MTSS1: variants seen among roughly 807,000 people sequenced by gnomAD.
MTSS1 encodes protein MTSS 1.
MTSS1 carries 18 observed loss-of-function variants against 79.0 expected under a neutral mutation model. The ratio of observed to expected loss-of-function variants is 0.23; its 90% CI spans 0.16 to 0.34. MTSS1 has a LOEUF of 0.34. MTSS1 is among the 10% of genes least tolerant of loss of function. The probability of loss-of-function intolerance (pLI) is 1.00; values close to 1 mark genes in which losing one functional copy is unlikely to be tolerated. For synonymous variants in MTSS1, 341 were observed against 368.6 expected, an observed-to-expected ratio of 0.93 and a Z score of 0.86; for missense variants, 815 against 986.2, an observed-to-expected ratio of 0.83 and a Z score of 2.33.
intron 3 of MTSS1, among the ~76,000 whole-genome samples, chr8:124,677,901 C>G (rs1213786149): frequency 6.6e-6 from 1 of 152,174 alleles, no homozygotes; most frequent in African/African-American, 2.4e-5. Flanking sequence ...TCATTCCTTT[C>G]TCTTTGATAA....
intron 3 of MTSS1, among the ~76,000 whole-genome samples, chr8:124,606,284 G>T (rs1218964039): frequency 6.6e-6 from 1 of 150,710 alleles, no homozygotes; most frequent in South Asian, 2.1e-4. Flanking sequence ...GCGATTCTGG[G>T]ATTACAGGCA....
intron 3 of MTSS1, among the ~76,000 whole-genome samples, chr8:124,615,757 T>C (rs1041857564): frequency 5.9e-5 from 9 of 152,256 alleles, no homozygotes; most frequent in Non-Finnish European, 4.4e-5. Flanking sequence ...GATCTCATTA[T>C]AGCTTTGGTT....
intron 3 of MTSS1, among the ~76,000 whole-genome samples, chr8:124,620,193 G>A (rs889257961): frequency 2.0e-5 from 3 of 152,174 alleles, no homozygotes; most frequent in Non-Finnish European, 2.9e-5. Flanking sequence ...TGACCCGCCC[G>A]CCTCAGCCTC....
chr8:124,643,620 C>G (rs534325164), intron 3 of MTSS1, among the ~76,000 whole-genome samples: 15 of 143,400 alleles, frequency 1.0e-4, no homozygotes, highest in African/African-American at 3.7e-4. Context: ...ATCGCTTGAA[C>G]TGGGGAGGCA....
At chr8:124,645,867 CTT>C (rs1818914064) in intron 3 of MTSS1, among the ~76,000 whole-genome samples, 1 of 152,170 alleles carries the variant, frequency 6.6e-6, no homozygotes, top group East Asian at 1.9e-4. Context: ...CAGCAACAAT[CTT>C]TGCTCTTTCA....
intron 8 of MTSS1, among the ~76,000 whole-genome samples, chr8:124,566,594 A>C (rs1826542653): frequency 6.6e-6 from 1 of 152,246 alleles, no homozygotes; most frequent in Non-Finnish European, 1.5e-5. Flanking sequence ...AGAGCTCTCC[A>C]TGCATTGCTC....
chr8:124,589,566 T>C, intron 5 of MTSS1, 54 bp downstream of exon 5: 1 of 1,459,868 alleles, frequency 6.8e-7, no homozygotes, highest in Non-Finnish European at 9.4e-7. Flanking sequence ...AGCTGGCAAC[T>C]TCCCACAGCG....
At chr8:124,720,664 C>T (rs1299277838) in intron 1 of MTSS1, among the ~76,000 whole-genome samples, 2 of 152,248 alleles carry the variant, frequency 1.3e-5, no homozygotes, top group Non-Finnish European at 2.9e-5. Context: ...AACTCAACTT[C>T]TCCATTTCCT....
chr8:124,727,722 C>T lies in MTSS1; in HGVS notation c.72+162G>A. On this transcript the variant is annotated intron_variant, in intron 1 of 13. Transcript: ENST00000518547. This position sits in a 1 kb window ranked among gnomAD's most constrained non-coding sequence, Gnocchi z 4.7. ...AGTGACCCCGCAGAGCCCGGAGCAG[C>T]GCCCCGGGTGAGCAGGTGACACTCC... 1.5e-6 allele frequency: 1 copy of T among 682,330 alleles called. No individual in the cohort carries two copies. 42.3% of individuals were successfully genotyped at this position (682,330 alleles called of 1,614,324 possible). A position where few individuals can be genotyped will look rare whatever the true frequency, so the allele number is the denominator to read the frequency against.
chr8:124,599,264 G>A (rs576715411), intron 3 of MTSS1, among the ~76,000 whole-genome samples: 11 of 152,102 alleles, frequency 7.2e-5, no homozygotes, highest in Non-Finnish European at 1.5e-4. Flanking sequence ...CGGGCCGATT[G>A]CCTGAGGTCA....
intron 6 of MTSS1, chr8:124,580,445 T>C (rs1200787384): frequency 8.1e-7 from 1 of 1,241,534 alleles, no homozygotes; most frequent in African/African-American, 1.5e-5. Context: ...TGTTTTGAGC[T>C]GGTAGAAAAA....
intron 3 of MTSS1, among the ~76,000 whole-genome samples, chr8:124,696,498 G>A (rs1199166270): frequency 6.6e-6 from 1 of 152,090 alleles, no homozygotes; most frequent in Admixed American, 6.5e-5. Flanking sequence ...AGCACGTATG[G>A]ATTTTAAACA....
intron 1 of MTSS1, among the ~76,000 whole-genome samples, chr8:124,719,693 C>G (rs1832628435): frequency 6.6e-6 from 1 of 152,232 alleles, no homozygotes; most frequent in Non-Finnish European, 1.5e-5. Context: ...GCACTTGTCT[C>G]TACTGCATTA....
chr8:124,678,056 G>A (rs748332735), intron 3 of MTSS1, among the ~76,000 whole-genome samples: 7 of 152,238 alleles, frequency 4.6e-5, no homozygotes, highest in Non-Finnish European at 7.4e-5. Flanking sequence ...TTTGATCCCC[G>A]AGAGATTTTA....
intron 3 of MTSS1, among the ~76,000 whole-genome samples, chr8:124,680,372 A>T (rs947596055): frequency 2.6e-5 from 4 of 152,218 alleles, no homozygotes; most frequent in African/African-American, 9.6e-5. Context: ...CCAGATGTCA[A>T]AGCTCCAGGG....
chr8:124,638,749 T>C (rs1291127045), intron 3 of MTSS1, among the ~76,000 whole-genome samples: 1 of 152,188 alleles, frequency 6.6e-6, no homozygotes, highest in African/African-American at 2.4e-5. Context: ...ATTTCCCACC[T>C]CTTTGTCCAG....
At chr8:124,638,523 G>A (rs181575494) in intron 3 of MTSS1, among the ~76,000 whole-genome samples, 22 of 152,170 alleles carry the variant, frequency 1.4e-4, no homozygotes, top group Non-Finnish European at 2.4e-4. Flanking sequence ...TTCCTTCCCC[G>A]GCGGAGATCC....
intron 3 of MTSS1, among the ~76,000 whole-genome samples, chr8:124,675,279 G>T (rs1825071788): frequency 6.6e-6 from 1 of 152,192 alleles, no homozygotes; most frequent in Admixed American, 6.5e-5. Context: ...AAACCCAAGA[G>T]CCAGTCCTAC....
At position 124,673,970 on chromosome 8, in the gene MTSS1, G is replaced by A. The variant is rs140688825; in HGVS notation, c.208+25556C>T. On this transcript the variant is annotated intron_variant, in intron 3 of 13. Transcript: ENST00000518547. ...AAGGGTCCTCTTCCTCAGAGAGCAG[G>A]AGACAGGGTCAATGATCCAAGCTGC... Among the ~76,000 whole-genome samples the A allele has an allele frequency of 9.2e-4, 140 of 152,234 alleles. 2 individuals carry two copies. The highest frequency in any genetic ancestry group is 3.4e-3 in the Middle Eastern group (1 of 294).
Sources: allele counts gnomAD v4.1 joint callset (sites outside exome capture counted in the v4.1 genomes callset), GRCh38; gene constraint gnomAD v4.1.1; non-coding constraint Gnocchi (gnomAD v3.1); transcripts MANE v1.5; gene names NCBI Gene and HGNC (gene_info 2026-07-23, HGNC 2026-07-21).